The following SLC41A3 variants were observed in gnomAD, a reference collection of about 807,000 sequenced individuals.
The protein encoded by SLC41A3 is solute carrier family 41 member 3.
SLC41A3 carries 44 observed loss-of-function variants against 45.4 expected under a neutral mutation model. That is an observed-to-expected ratio of 0.97 (90% CI 0.76 to 1.25). The LOEUF is 1.25. Among genes scored for constraint, SLC41A3 ranks in the 50% most tolerant of loss-of-function variants. The pLI, the probability that SLC41A3 is intolerant of heterozygous loss-of-function variation, is 0.00. For synonymous variants in SLC41A3, 256 were observed against 252.4 expected (o/e 1.01, Z -0.13); for missense variants, 550 against 600.6 (o/e 0.92, Z 0.88).
chr3:126,059,307 A>AAGGAAGGAAGG (rs1943920791), intron 2 of SLC41A3, among the ~76,000 whole-genome samples: 1 of 59,346 alleles, frequency 1.7e-5, no homozygotes, highest in Non-Finnish European at 3.3e-5. Context: ...AGAAAGAAAG[A>AAGGAAGGAAGG]AAGGAAGGAT....
In SLC41A3 at chr3:126,067,968, G is replaced by C. The variant is rs1373400083; in HGVS notation, c.252C>G (p.Gly84=). The C allele has an allele frequency of 6.2e-7, 1 of 1,606,784 alleles. No homozygotes were observed. The highest frequency in any genetic ancestry group is 8.5e-7 in the Non-Finnish European group (1 of 1,176,896). The change falls in exon 2 of 11, where the codon GGC becomes GGG. Residue 84 remains glycine (G), a synonymous_variant. Coordinates refer to ENST00000360370, the MANE Select transcript of SLC41A3 (RefSeq NM_017836.4). The part of the protein sequence containing the change: ...MFAGLGLSWA[G]MLLDYFQHWP... ...TTACCTGGAAATAGTCCAGAAGCAT[G>C]CCGGCCCAGGACAGTCCCAGGCCTG...
At chr3:126,027,329 T>C (rs1941445515) in intron 4 of SLC41A3, among the ~76,000 whole-genome samples, 2 of 146,356 alleles carry the variant, frequency 1.4e-5, no homozygotes, top group Admixed American at 7.2e-5. Flanking sequence ...TTTAAAAGTG[T>C]GTGGCACCTC....
At chr3:126,076,535 A>G (rs543148768) in intron 1 of SLC41A3, among the ~76,000 whole-genome samples, 1 of 152,320 alleles carries the variant, frequency 6.6e-6, no homozygotes, top group South Asian at 2.1e-4. Context: ...AAAAGGGGTG[A>G]ATTTTATGGT....
At chr3:126,085,809 T>A (rs1945371361), upstream of SLC41A3, among the ~76,000 whole-genome samples, 2 of 102,726 alleles carry the variant, frequency 1.9e-5, no homozygotes, top group South Asian at 6.4e-4. Flanking sequence ...ACTGGGGGCC[T>A]TGTGGGAGTG....
intron 2 of SLC41A3, among the ~76,000 whole-genome samples, chr3:126,065,480 A>C (rs1944302789): frequency 6.6e-6 from 1 of 152,260 alleles, no homozygotes. Flanking sequence ...ACCGATGCAG[A>C]CCAGCACGAC....
chr3:126,024,920 GAGAGACAGT>G (rs1480319319), intron 5 of SLC41A3: 1 of 152,258 alleles, frequency 6.6e-6, no homozygotes, highest in African/African-American at 2.4e-5. Flanking sequence ...CGGGTGTGGG[GAGAGACAGT>G]ACACACATGT....
Position 126,006,450 on chromosome 3 carries a change from G to A in SLC41A3, c.*566C>T, listed in dbSNP as rs1939103676. 1 of 1,613,356 alleles carries A rather than the reference G, an allele frequency of 6.2e-7. No individual in the cohort carries two copies. The highest frequency in any genetic ancestry group is 1.1e-5 in the South Asian group (1 of 90,748). On this transcript the variant is annotated 3_prime_UTR_variant, in exon 11 of 11. Transcript: ENST00000360370. The stretch of plus-strand genomic sequence containing the variant: ...TAACAAACAAAAAGGAAAATAAAAA[G>A]ACAGCAAGGACACGATTAAATGTTG...
rs959422704 is a variant in SLC41A3 at position 126,096,606 on chromosome 3, G to C, written c.-79+4823C>G. ...ATAGCATGAGCAATCTGTGCCTTAA[G>C]GGCATGTTCCTGCTACAGATAACTA... On this transcript the variant is annotated intron_variant, in intron 1 of 9. Coordinates refer to the SLC41A3 transcript ENST00000508835. Among the ~76,000 whole-genome samples the C allele has an allele frequency of 6.6e-5, 10 of 152,352 alleles. No homozygotes were observed. In the South Asian group the frequency reaches 1.0e-3, roughly 16 times the overall value.
chr3:126,041,327 T>C (rs535496837), intron 3 of SLC41A3, among the ~76,000 whole-genome samples: 45 of 152,266 alleles, frequency 3.0e-4, no homozygotes, highest in Admixed American at 2.9e-3. Context: ...TCTATAGAGC[T>C]GAAGACAGAT....
In SLC41A3 at chr3:126,026,662, G is replaced by A. The variant is rs544607691; in HGVS notation, c.454-183C>T. 1.6e-4 allele frequency among the ~76,000 whole-genome samples: 25 copies of A among 152,224 alleles called. 1 individual carries two copies. Among genetic ancestry groups the A allele is most frequent in the Admixed American group, 1.4e-3 (22 of 15,292 alleles). On this transcript the variant is annotated intron_variant, in intron 4 of 10. Coordinates refer to ENST00000360370, the MANE Select transcript of SLC41A3 (RefSeq NM_017836.4). This position sits in a 1 kb window ranked among gnomAD's most constrained non-coding sequence, Gnocchi z 4.2. Reference sequence around the variant, plus strand: ...TAATACCACACCCCACACCTGCCTTGAACTCAACTCCTCCGAAACCACGCT... The same window carrying A: ...TAATACCACACCCCACACCTGCCTTAAACTCAACTCCTCCGAAACCACGCT...
intron 3 of SLC41A3, among the ~76,000 whole-genome samples, chr3:126,037,780 T>G (rs1942308164): frequency 6.6e-6 from 1 of 152,210 alleles, no homozygotes; most frequent in African/African-American, 2.4e-5. Context: ...GCAACCACTT[T>G]CTAGAGAGAA....
chr3:126,069,710 G>A (rs898664578), intron 1 of SLC41A3, among the ~76,000 whole-genome samples: 5 of 151,930 alleles, frequency 3.3e-5, no homozygotes, highest in African/African-American at 4.8e-5. Flanking sequence ...AAACCGTACC[G>A]GAAGAAGCAA....
At chr3:126,039,809 A>C (rs1036924327) in intron 3 of SLC41A3, among the ~76,000 whole-genome samples, 2 of 152,202 alleles carry the variant, frequency 1.3e-5, no homozygotes. Context: ...CACTCTAATA[A>C]TGTATTAAGG....
intron 3 of SLC41A3, among the ~76,000 whole-genome samples, chr3:126,049,704 C>G (rs541888530): frequency 3.7e-4 from 56 of 152,256 alleles, no homozygotes; most frequent in Admixed American, 1.4e-3. Context: ...ATGATCTGGC[C>G]CCATGTGTTA....
chr3:126,090,713 C>G (rs1945473905), intron 1 of SLC41A3, among the ~76,000 whole-genome samples: 1 of 152,204 alleles, frequency 6.6e-6, no homozygotes, highest in African/African-American at 2.4e-5. Flanking sequence ...TAGCATCCCA[C>G]TGGGCCCAGA....
At chr3:126,048,410 G>C (rs1349059979) in intron 3 of SLC41A3, among the ~76,000 whole-genome samples, 1 of 152,146 alleles carries the variant, frequency 6.6e-6, no homozygotes, top group East Asian at 1.9e-4. Flanking sequence ...AGTATATAGA[G>C]ACATGTTTAT....
chr3:126,042,184 G>A (rs1942637955), intron 3 of SLC41A3, among the ~76,000 whole-genome samples: 1 of 152,184 alleles, frequency 6.6e-6, no homozygotes. Context: ...TTCTCATGGA[G>A]GAAATGTAGG....
rs770906834 is a variant in SLC41A3, at chr3:126,007,013, C to G, written c.*3G>C. ...ATGAGCAAATGGGACCAGCGGGGCC[C>G]AGTTAGGGAGGTCCAGATGCCAGTT... On this transcript the variant is annotated 3_prime_UTR_variant, in exon 11 of 11. Coordinates refer to ENST00000360370, the MANE Select transcript of SLC41A3 (RefSeq NM_017836.4). 2.2e-5 allele frequency: 35 copies of G among 1,614,124 alleles called. No individual in the cohort carries two copies. Among genetic ancestry groups the G allele is most frequent in the Middle Eastern group, 1.6e-4 (1 of 6,062 alleles).
intron 9 of SLC41A3, among the ~76,000 whole-genome samples, chr3:126,012,410 A>C (rs1939808342): frequency 6.6e-6 from 1 of 152,196 alleles, no homozygotes; most frequent in African/African-American, 2.4e-5. Flanking sequence ...CCTAGTGCCC[A>C]GTGGACATTC....
Sources: allele counts gnomAD v4.1 joint callset (sites outside exome capture counted in the v4.1 genomes callset), GRCh38; gene constraint gnomAD v4.1.1; non-coding constraint Gnocchi (gnomAD v3.1); transcripts MANE v1.5; gene names NCBI Gene and HGNC (gene_info 2026-07-23, HGNC 2026-07-21).